Variants in EML4 observed in about 807,000 individuals in gnomAD.
EML4 encodes echinoderm microtubule-associated protein-like 4.
Under a neutral mutation model 129.0 loss-of-function variants are expected in EML4, and 72 were observed. The ratio of observed to expected loss-of-function variants is 0.56; its 90% confidence interval spans 0.46 to 0.68. The LOEUF (loss-of-function observed/expected upper bound fraction) is 0.68, where lower values mean the gene tolerates loss of function less well. Among genes scored for constraint, EML4 ranks in the 30% least tolerant of loss-of-function variants. EML4 has a pLI of 0.00. For synonymous variants in EML4, 532 were observed against 405.0 expected (o/e 1.31, Z -3.77); for missense variants, 1,363 against 1,190.6 (o/e 1.14, Z -2.13).
At chr2:42,209,249 T>C (rs1475642745) in intron 1 of EML4, among the ~76,000 whole-genome samples, 1 of 152,220 alleles carries the variant, frequency 6.6e-6, no homozygotes, top group Non-Finnish European at 1.5e-5. Flanking sequence ...TTTCTGGTTT[T>C]TTTCCTTTTA....
In EML4 at chr2:42,199,961, A is replaced by G. The variant is rs17029316; in HGVS notation, c.25+30325A>G. On this transcript the variant is annotated intron_variant, in intron 1 of 22. Coordinates refer to ENST00000318522, the MANE Select transcript of EML4 (RefSeq NM_019063.5). ...TCTTAAAAAACAATTTTGACATTGG[A>G]TCATTCCTTAATGAGATGAACAGTG... 9.8e-4 allele frequency among the ~76,000 whole-genome samples: 149 copies of G among 152,184 alleles called. 1 individual carries two copies. The highest frequency in any genetic ancestry group is 3.4e-3 in the African/African-American group (142 of 41,518).
chr2:42,325,970 C>T (rs1669790836), intron 20 of EML4, 184 bp from the exon 21 acceptor site: 3 of 475,006 alleles, frequency 6.3e-6, no homozygotes, highest in South Asian at 1.7e-4. Context: ...CCATGGGAAA[C>T]AGTTTGTAGT....
intron 19 of EML4, 40 bp downstream of exon 19, chr2:42,317,564 A>T (rs1205096270): frequency 1.4e-6 from 2 of 1,447,156 alleles, no homozygotes; most frequent in Non-Finnish European, 1.9e-6. Flanking sequence ...ATTATTGGGA[A>T]ATTTTACTTC....
chr2:42,282,758 A>T, intron 7 of EML4, 65 bp from the exon 8 acceptor site: 1 of 1,403,350 alleles, frequency 7.1e-7, no homozygotes, highest in Admixed American at 1.8e-5. Flanking sequence ...TTAAGTATCC[A>T]TGAAAAATCT....
At chr2:42,285,946 C>G (rs1176706404) in intron 9 of EML4, 1 of 298,082 alleles carries the variant, frequency 3.4e-6, no homozygotes, top group Non-Finnish European at 6.4e-6. Context: ...TTATTTAAAT[C>G]TCTGTATTCC....
intron 1 of EML4, among the ~76,000 whole-genome samples, chr2:42,186,672 A>G (rs2103873747): frequency 6.6e-6 from 1 of 152,282 alleles, no homozygotes; most frequent in Admixed American, 6.5e-5. Context: ...TTTCATTATC[A>G]AATGCATTCT....
In EML4 at chr2:42,315,962, G is replaced by T. The variant is rs771042775; in HGVS notation, c.1968G>T (p.Arg656Ser). The change falls in exon 18 of 23, where the codon AGG (arginine) becomes AGT (serine). Residue 656 changes from arginine (R) to serine (S), a missense_variant and splice_region_variant. Coordinates refer to ENST00000318522, the MANE Select transcript of EML4 (RefSeq NM_019063.5). Reference protein sequence around the residue: ...TVVAIGTHSGRWFVLDAETRD... With the variant: ...TVVAIGTHSGSWFVLDAETRD... The stretch of plus-strand genomic sequence containing the variant: ...AATTTTGATTTTTACTTCTTAACAG[G>T]TGGTTTGTTCTGGATGCAGAAACCA... The T allele has an allele frequency of 2.5e-6, 4 of 1,607,104 alleles. No homozygotes were observed. Among genetic ancestry groups the T allele is most frequent in the Non-Finnish European group, 3.4e-6 (4 of 1,176,270 alleles).
intron 1 of EML4, among the ~76,000 whole-genome samples, chr2:42,230,447 C>T (rs373642785): frequency 2.6e-5 from 4 of 152,196 alleles, no homozygotes; most frequent in Admixed American, 2.0e-4. Flanking sequence ...TTTACTGTTG[C>T]ACAGGCTAGA....
chr2:42,169,502 C>T lies in EML4; in HGVS notation c.-110C>T, dbSNP rs1451413274. 5 of 1,319,648 alleles carry T rather than the reference C, an allele frequency of 3.8e-6. No individual in the cohort carries two copies. The highest frequency in any genetic ancestry group is 1.4e-5 in the South Asian group (1 of 72,108). 81.7% of individuals were successfully genotyped at this position (1,319,648 alleles called of 1,614,324 possible). Reference sequence around the variant, plus strand: ...ACGGAGGCGGGAGCCGGTAGCCGAGCCGGGCGACCTAGAGAACGAGCGGGT... The same window carrying T: ...ACGGAGGCGGGAGCCGGTAGCCGAGTCGGGCGACCTAGAGAACGAGCGGGT... On this transcript the variant is annotated 5_prime_UTR_variant, in exon 1 of 23. Transcript: ENST00000318522.
At chr2:42,226,903 TA>T (rs1419410084) in intron 1 of EML4, among the ~76,000 whole-genome samples, 2 of 152,048 alleles carry the variant, frequency 1.3e-5, no homozygotes, top group Middle Eastern at 3.2e-3. Flanking sequence ...GAAATGAGAT[TA>T]AAAAATAAAA....
chr2:42,298,500 G>C (rs1191881716), intron 13 of EML4, among the ~76,000 whole-genome samples: 1 of 152,042 alleles, frequency 6.6e-6, no homozygotes, highest in Non-Finnish European at 1.5e-5. Context: ...AGACATCTTT[G>C]GCTATAAATT....
intron 1 of EML4, among the ~76,000 whole-genome samples, chr2:42,208,394 A>G (rs1672686103): frequency 6.6e-6 from 1 of 150,866 alleles, no homozygotes; most frequent in African/African-American, 2.4e-5. Flanking sequence ...TTTTCTTTAC[A>G]ATAGATTTAT....
intron 1 of EML4, among the ~76,000 whole-genome samples, chr2:42,238,225 C>G (rs990387773): frequency 7.2e-5 from 11 of 152,168 alleles, no homozygotes; most frequent in East Asian, 3.8e-4. Context: ...TGAAACACTT[C>G]TGGTACCAAG....
At chr2:42,261,038 TATATA>T (rs1665700996) in intron 3 of EML4, 78 bp from the exon 4 acceptor site, 1 of 1,049,440 alleles carries the variant, frequency 9.5e-7, no homozygotes, top group African/African-American at 1.6e-5. Flanking sequence ...GGTTTTGAAT[TATATA>T]ATAATCACTT....
At chr2:42,200,973 A>G (rs1036220761) in intron 1 of EML4, among the ~76,000 whole-genome samples, 3 of 152,190 alleles carry the variant, frequency 2.0e-5, no homozygotes, top group African/African-American at 7.2e-5. Context: ...GGATGACCCT[A>G]AGAAATTAAG....
chr2:42,190,207 C>A (rs151265181), intron 1 of EML4, among the ~76,000 whole-genome samples: 54 of 152,328 alleles, frequency 3.5e-4, no homozygotes, highest in African/African-American at 1.2e-3. Context: ...TATCTATATT[C>A]TCTTTTGTTG....
intron 2 of EML4, 46 bp from the exon 3 acceptor site, chr2:42,256,455 G>T (rs764956437): frequency 3.2e-6 from 5 of 1,541,216 alleles, no homozygotes; most frequent in Non-Finnish European, 3.5e-6. Flanking sequence ...GATCTTTAAG[G>T]AATATATTCA....
At chr2:42,270,544 G>A (rs1219795708) in intron 6 of EML4, among the ~76,000 whole-genome samples, 1 of 152,156 alleles carries the variant, frequency 6.6e-6, no homozygotes, top group Non-Finnish European at 1.5e-5. Context: ...GGCACATTTA[G>A]TCCTAAAATC....
intron 3 of EML4, 88 bp downstream of exon 3, chr2:42,256,718 A>G (rs1015927595): frequency 2.1e-5 from 31 of 1,494,200 alleles, no homozygotes; most frequent in Non-Finnish European, 2.6e-5. Context: ...TATGAAATAG[A>G]GCTGTTTGAA....
Sources: gnomAD v4.1 joint callset for allele counts (sites outside exome capture counted in the v4.1 genomes callset) on GRCh38, gnomAD v4.1.1 for gene constraint, MANE v1.5 for transcripts, NCBI Gene and HGNC (gene_info 2026-07-23, HGNC 2026-07-21) for gene names.